Variants in SI observed in about 807,000 individuals in gnomAD.
SI encodes sucrase-isomaltase, intestinal.
Under a neutral mutation model 253.3 loss-of-function variants are expected in SI, and 235 were observed. The observed-to-expected ratio is 0.93, with a 90% CI of 0.83 to 1.03. SI has a LOEUF of 1.03. SI is among the 50% of genes least tolerant of loss of function. SI has a pLI of 0.00. For missense variants in SI, 2,442 were observed against 2,211.1 expected (o/e 1.10, Z -2.09); for synonymous variants, 819 against 712.0 (o/e 1.15, Z -2.39).
At chr3:165,016,183 G>T in intron 31 of SI, 103 bp from the exon 32 acceptor site, 1 of 1,007,384 alleles carries the variant, frequency 9.9e-7, no homozygotes, top group Non-Finnish European at 1.6e-6. Context: ...GAAAGTTTGA[G>T]TTCCTCTTCA....
Position 165,067,438 on chromosome 3 carries a change from C to T in SI, c.537G>A (p.Glu179=). ...RYEVPHQYVK[E]FTGPTVSDTL... ...TATCAGAAACTGTGGGTCCAGTAAA[C>T]TCTTTTACATACTGATGAGGAACTT... Residue 179 remains glutamate, a synonymous_variant, in exon 6 of 48, where the codon GAG becomes GAA. Coordinates refer to ENST00000264382, the MANE Select transcript of SI (RefSeq NM_001041.4). The T allele has an allele frequency of 6.2e-7, 1 of 1,611,884 alleles. No homozygotes were observed. The highest frequency in any genetic ancestry group is 2.2e-5 in the East Asian group (1 of 44,724).
chr3:164,983,992 C>T (rs986061282), intron 45 of SI, among the ~76,000 whole-genome samples: 1 of 152,050 alleles, frequency 6.6e-6, no homozygotes, highest in Non-Finnish European at 1.5e-5. Flanking sequence ...AATACTGTAT[C>T]ACTTTACTCT....
intron 41 of SI, among the ~76,000 whole-genome samples, chr3:164,993,253 AG>A (rs1279224985): frequency 6.6e-6 from 1 of 151,768 alleles, no homozygotes; most frequent in Non-Finnish European, 1.5e-5. Context: ...AATAACAAAA[AG>A]GGGTAAAGTC....
intron 4 of SI, 56 bp downstream of exon 4, chr3:165,069,022 T>C (rs776700366): frequency 1.6e-6 from 2 of 1,256,050 alleles, no homozygotes; most frequent in East Asian, 4.7e-5. Context: ...ATTTTCCACA[T>C]TTTCGCTCCA....
At chr3:164,982,918 T>C (rs1016094878) in intron 46 of SI, 84 bp downstream of exon 46, 2 of 1,321,092 alleles carry the variant, frequency 1.5e-6, no homozygotes, top group Non-Finnish European at 2.1e-6. Context: ...CCCAATGAAC[T>C]AGGATTACAG....
chr3:165,008,039 T>C (rs1234455625), intron 35 of SI, 41 bp from the exon 36 acceptor site: 1 of 1,056,334 alleles, frequency 9.5e-7, no homozygotes, highest in Non-Finnish European at 1.5e-6. Context: ...AAAAGATAAA[T>C]TTACAACATA....
intron 15 of SI, among the ~76,000 whole-genome samples, chr3:165,047,481 T>A (rs908796954): frequency 6.6e-6 from 1 of 152,106 alleles, no homozygotes; most frequent in Non-Finnish European, 1.5e-5. Flanking sequence ...CACCATGCCA[T>A]AATATTTATA....
At chr3:165,028,557 C>T (rs1712048270) in intron 25 of SI, among the ~76,000 whole-genome samples, 1 of 151,164 alleles carries the variant, frequency 6.6e-6, no homozygotes, top group African/African-American at 2.4e-5. Flanking sequence ...AAGCCATAGT[C>T]ACCAAAATAG....
intron 16 of SI, 97 bp downstream of exon 16, chr3:165,046,744 C>T: frequency 1.0e-6 from 1 of 992,662 alleles, no homozygotes; most frequent in Non-Finnish European, 1.5e-6. Context: ...ATTTCTGTAA[C>T]ATGCCTTTTG....
chr3:164,998,061 G>T (rs969458529), intron 38 of SI, among the ~76,000 whole-genome samples: 15 of 151,646 alleles, frequency 9.9e-5, no homozygotes, highest in Admixed American at 3.3e-4. Flanking sequence ...GGGATTTTGG[G>T]GTTGAATGGT....
At chr3:165,042,593 T>C (rs774261481) in intron 17 of SI, among the ~76,000 whole-genome samples, 32 of 152,154 alleles carry the variant, frequency 2.1e-4, no homozygotes, top group Admixed American at 6.6e-4. Flanking sequence ...GTTCTATTTA[T>C]TATTGAAAGA....
chr3:164,979,595 A>T (rs1019152941), intron 47 of SI, among the ~76,000 whole-genome samples, 165 bp from the exon 48 acceptor site: 1 of 151,778 alleles, frequency 6.6e-6, no homozygotes, highest in Non-Finnish European at 1.5e-5. Context: ...TTTCAGCAAC[A>T]ATTTCACCCA....
chr3:165,021,325 G>A lies in SI; in HGVS notation c.3158C>T (p.Thr1053Ile). ...EVPVPLNIPT[T>I]PISTYEDRLY... ...TCTGTCTTCATAAGTACTTATTGGGGTGGTTGGAATGTTTAACGGTACTGG... is the reference window on the plus strand; with the variant it reads ...TCTGTCTTCATAAGTACTTATTGGGATGGTTGGAATGTTTAACGGTACTGG... The change falls in exon 27 of 48, where the codon ACC (threonine) becomes ATC (isoleucine). Residue 1053 changes from threonine (T) to isoleucine (I), a missense_variant. Coordinates refer to ENST00000264382, the MANE Select transcript of SI (RefSeq NM_001041.4). 1 of 1,610,980 alleles carries A rather than the reference G, an allele frequency of 6.2e-7. No individual in the cohort carries two copies. Among genetic ancestry groups the A allele is most frequent in the Non-Finnish European group, 8.5e-7 (1 of 1,177,752 alleles).
the SI span, among the ~76,000 whole-genome samples, chr3:165,089,838 C>T: frequency 3.9e-5 from 6 of 151,928 alleles, no homozygotes; most frequent in Non-Finnish European, 8.8e-5. Context: ...ATGTAAGCAT[C>T]TACACAGGGC....
At chr3:165,062,136 G>A (rs1018963386) in intron 9 of SI, among the ~76,000 whole-genome samples, 1 of 151,600 alleles carries the variant, frequency 6.6e-6, no homozygotes, top group African/African-American at 2.4e-5. Flanking sequence ...CTTGAACTCA[G>A]CTGCCTAGAG....
At chr3:165,067,654 A>G (rs544514907) in intron 5 of SI, among the ~76,000 whole-genome samples, 163 bp from the exon 6 acceptor site, 1 of 152,200 alleles carries the variant, frequency 6.6e-6, no homozygotes, top group South Asian at 2.1e-4. Context: ...TTGAATGGCT[A>G]TGCACAGAAA....
At chr3:165,084,028 T>C in the SI span, among the ~76,000 whole-genome samples, 14 of 151,908 alleles carry the variant, frequency 9.2e-5, no homozygotes, top group African/African-American at 3.4e-4. Flanking sequence ...CAAATTCATA[T>C]GCTGAAATTC....
intron 37 of SI, among the ~76,000 whole-genome samples, chr3:165,000,127 A>T (rs1718192527): frequency 6.6e-6 from 1 of 151,510 alleles, no homozygotes; most frequent in Admixed American, 6.6e-5. Context: ...AAACAAAATT[A>T]GTTTTGTTTA....
Position 165,055,261 on chromosome 3 carries a change from C to T in SI, c.1445G>A (p.Cys482Tyr). 1 of 1,611,550 alleles carries T rather than the reference C, an allele frequency of 6.2e-7. No individual in the cohort carries two copies. Among genetic ancestry groups the T allele is most frequent in the Non-Finnish European group, 8.5e-7 (1 of 1,178,322 alleles). The change falls in exon 13 of 48, where the codon TGC (cysteine) becomes TAC (tyrosine). Residue 482 changes from cysteine to tyrosine, a missense_variant. By Grantham distance (194) the Cys-to-Tyr change is radical. Coordinates refer to ENST00000264382, the MANE Select transcript of SI (RefSeq NM_001041.4). The part of the protein sequence containing the change: ...TVYPDFTNPN[C>Y]IDWWANECSI... The stretch of plus-strand genomic sequence containing the variant: ...GCATTCATTTGCCCACCAATCAATG[C>T]AGTTTGGGTTAGTGAAATCAGGGTA...
Sources: gnomAD v4.1 joint callset for allele counts (sites outside exome capture counted in the v4.1 genomes callset) on GRCh38, gnomAD v4.1.1 for gene constraint, MANE v1.5 for transcripts, NCBI Gene and HGNC (gene_info 2026-07-23, HGNC 2026-07-21) for gene names.